Variants in LHFPL1 observed in about 807,000 individuals in gnomAD.
LHFPL1 encodes the protein LHFPL tetraspan subfamily member 1.
Under a neutral mutation model 12.1 loss-of-function variants are expected in LHFPL1, and 4 were observed. The observed-to-expected ratio is 0.33, with a 90% CI of 0.16 to 0.76. The LOEUF (loss-of-function observed/expected upper bound fraction) is 0.76, where lower values mean the gene tolerates loss of function less well. Ranked by LOEUF, LHFPL1 falls within the 30% of genes least tolerant of loss-of-function variation. The pLI is 0.61. For synonymous variants in LHFPL1, 52 were observed against 61.9 expected (o/e 0.84, Z 0.75); for missense variants, 141 against 174.1 (o/e 0.81, Z 1.07).
intron 3 of LHFPL1, among the ~76,000 whole-genome samples, chrX:112,654,949 G>A (rs1401731533): frequency 9.0e-6 from 1 of 111,689 alleles, no homozygotes; most frequent in Non-Finnish European, 1.9e-5. Flanking sequence ...TCAGTTAACC[G>A]GTATGGAGGG....
At chrX:112,653,659 G>A (rs1419915665) in intron 3 of LHFPL1, among the ~76,000 whole-genome samples, 2 of 111,749 alleles carry the variant, frequency 1.8e-5, no homozygotes, top group Non-Finnish European at 3.8e-5. Context: ...GAGGTCCTTC[G>A]ATGGCAAGCC....
intron 2 of LHFPL1, among the ~76,000 whole-genome samples, chrX:112,669,237 T>C (rs920299677): frequency 8.9e-6 from 1 of 112,546 alleles, no homozygotes; most frequent in African/African-American, 3.2e-5. Flanking sequence ...ATCAGCCAAG[T>C]GTCACTTCCT....
chrX:112,672,474 G>A (rs1931536571), intron 1 of LHFPL1, among the ~76,000 whole-genome samples: 1 of 94,636 alleles, frequency 1.1e-5, no homozygotes, highest in South Asian at 3.8e-4. Flanking sequence ...TCTCTATTGG[G>A]CCGGCTAGAG....
chrX:112,665,638 G>C (rs1931311208), intron 2 of LHFPL1, among the ~76,000 whole-genome samples: 1 of 111,887 alleles, frequency 8.9e-6, no homozygotes, highest in Non-Finnish European at 1.9e-5. Flanking sequence ...CTGCCATTTT[G>C]TTTCTCTTCC....
intron 3 of LHFPL1, among the ~76,000 whole-genome samples, chrX:112,631,986 A>C (rs997052690): frequency 9.0e-6 from 1 of 111,517 alleles, no homozygotes; most frequent in Non-Finnish European, 1.9e-5. Flanking sequence ...AGGTACTCTT[A>C]TTATCCCTGT....
intron 3 of LHFPL1, among the ~76,000 whole-genome samples, chrX:112,660,312 A>G (rs1156416029): frequency 8.9e-6 from 1 of 112,622 alleles, no homozygotes; most frequent in Non-Finnish European, 1.9e-5. Flanking sequence ...CTAGAAGGAA[A>G]CACCAGTAGG....
At chrX:112,662,454 G>C (rs1931217900) in intron 2 of LHFPL1, among the ~76,000 whole-genome samples, 1 of 111,994 alleles carries the variant, frequency 8.9e-6, no homozygotes, top group South Asian at 3.7e-4. Flanking sequence ...TCTCAAAGTA[G>C]CCTCCAAGCT....
chrX:112,677,852 T>C (rs1259522407), intron 1 of LHFPL1, among the ~76,000 whole-genome samples: 1 of 111,207 alleles, frequency 9.0e-6, no homozygotes, highest in Non-Finnish European at 1.9e-5. Context: ...TCTTTTGACT[T>C]GTGTCTTTTA....
At chrX:112,678,261 C>T (rs186660129) in intron 1 of LHFPL1, among the ~76,000 whole-genome samples, 102 of 111,558 alleles carry the variant, frequency 9.1e-4, no homozygotes, top group African/African-American at 3.1e-3. Flanking sequence ...GCTTCTCTCT[C>T]CTTCCCTCTC....
chrX:112,671,474 C>A, intron 1 of LHFPL1, 70 bp from the exon 2 acceptor site: 2 of 1,199,264 alleles, frequency 1.7e-6, no homozygotes, highest in Non-Finnish European at 1.1e-6. Context: ...GCTCCACTGG[C>A]CTATTTTTCA....
Position 112,660,684 on chromosome X carries a change from A to T in LHFPL1, c.424T>A (p.Trp142Arg). 8.3e-7 allele frequency: 1 copy of T among 1,210,148 alleles called. No homozygotes were observed. Among genetic ancestry groups the T allele is most frequent in the Non-Finnish European group, 1.1e-6 (1 of 894,031 alleles). Residue 142 changes from tryptophan (W) to arginine (R), a missense_variant, in exon 3 of 4, where the codon TGG (tryptophan) becomes AGG (arginine). Transcript: ENST00000371968. ...GTTTGCATTATCTCCGGGCTATTCC[A>T]TCCTAAAGGGTATAAGGCACAGCCT... ...SSGCALYPLG[W>R]NSPEIMQTCG... is the part of the protein sequence containing the mutation.
At position 112,671,071 on chromosome X, in the gene LHFPL1, C is replaced by T; in HGVS notation, c.320G>A (p.Cys107Tyr). ...CATTCTGGAGATGAGCTCCTCCATG[C>T]AGCAACCCAGGACAGCAGCTAGTGC... ...LVALAAVLGC[C>Y]MEELISRMMG... is the part of the protein sequence containing the mutation. Residue 107 changes from cysteine to tyrosine, a missense_variant, in exon 2 of 4, where the codon TGC (cysteine) becomes TAC (tyrosine). Cys to Tyr is a radical substitution (Grantham distance 194, BLOSUM62 -2). Coordinates refer to ENST00000371968, the MANE Select transcript of LHFPL1 (RefSeq NM_178175.4). The T allele has an allele frequency of 8.3e-7, 1 of 1,211,991 alleles. No individual in the cohort carries two copies.
intron 3 of LHFPL1, among the ~76,000 whole-genome samples, chrX:112,644,402 T>C (rs964272315): frequency 9.0e-6 from 1 of 111,652 alleles, no homozygotes; most frequent in Non-Finnish European, 1.9e-5. Flanking sequence ...TTTATATACC[T>C]ATAGTGAAAT....
chrX:112,666,048 G>T (rs60221263), intron 2 of LHFPL1, among the ~76,000 whole-genome samples: 4,593 of 112,029 alleles, frequency 0.041, 238 homozygotes, highest in African/African-American at 0.14. Context: ...CTATTCACAA[G>T]TGCAACTGTT....
rs375808946 is a variant in LHFPL1 at position 112,658,376 on chromosome X, G to C, written c.481+2251C>G. The stretch of plus-strand genomic sequence containing the variant: ...GGAGGCGGAGGTTGCAGTGAGCAGA[G>C]ATCGCACCACTGCACTCCAGCCTGA... On this transcript the variant is annotated intron_variant, in intron 3 of 3. Coordinates refer to ENST00000371968, the MANE Select transcript of LHFPL1 (RefSeq NM_178175.4). Among the ~76,000 whole-genome samples the C allele has an allele frequency of 9.7e-5, 10 of 102,876 alleles. No individual in the cohort carries two copies. In the East Asian group the frequency reaches 2.4e-3, roughly 25 times the overall value. The allele number at this position is 102,876 out of a possible 115,157, so 89.3% of individuals were successfully genotyped here. A position where few individuals can be genotyped will look rare whatever the true frequency, so the allele number is the denominator to read the frequency against.
rs754712114 is a variant in LHFPL1, at chrX:112,653,225, G to T, written c.481+7402C>A. ...AAGCCTATGCAAGCATTCAATAAAT[G>T]ATAGCAATTATTATTACGTAATGAT... On this transcript the variant is annotated intron_variant, in intron 3 of 3. Coordinates refer to ENST00000371968, the MANE Select transcript of LHFPL1 (RefSeq NM_178175.4). 5.4e-5 allele frequency among the ~76,000 whole-genome samples: 6 copies of T among 111,767 alleles called. No individual in the cohort carries two copies. The East Asian group carries it at 1.7e-3, about 31-fold the overall frequency.
intron 3 of LHFPL1, among the ~76,000 whole-genome samples, chrX:112,652,156 C>T (rs952114414): frequency 2.7e-5 from 3 of 112,512 alleles, no homozygotes; most frequent in Non-Finnish European, 5.6e-5. Context: ...CTCTAATAAT[C>T]CTCTAATTTA....
At chrX:112,633,781 G>T (rs1010079484) in intron 3 of LHFPL1, among the ~76,000 whole-genome samples, 6 of 111,993 alleles carry the variant, frequency 5.4e-5, no homozygotes, top group African/African-American at 1.6e-4. Context: ...GCCTCTGAAG[G>T]CTCAGAAAGA....
At chrX:112,679,378 C>T (rs1159553832) in intron 1 of LHFPL1, among the ~76,000 whole-genome samples, 1 of 112,039 alleles carries the variant, frequency 8.9e-6, no homozygotes, top group Non-Finnish European at 1.9e-5. Flanking sequence ...AGTTTAACTT[C>T]ATTACCCCAT....
Sources: gnomAD v4.1 joint callset for allele counts (sites outside exome capture counted in the v4.1 genomes callset) on GRCh38, gnomAD v4.1.1 for gene constraint, MANE v1.5 for transcripts, NCBI Gene and HGNC (gene_info 2026-07-23, HGNC 2026-07-21) for gene names.